NKAIN2: variants seen among roughly 807,000 people sequenced by gnomAD.
The protein encoded by NKAIN2 is sodium/potassium transporting ATPase interacting 2.
A neutral mutation model predicts 32.6 loss-of-function variants in NKAIN2; 14 were observed. That is an observed-to-expected ratio of 0.43 (90% confidence interval 0.28 to 0.67). The LOEUF is 0.67. Among genes scored for constraint, NKAIN2 ranks in the 30% least tolerant of loss-of-function variants. The pLI is 0.17. For synonymous variants in NKAIN2, 80 were observed against 87.2 expected (o/e 0.92, Z 0.46); for missense variants, 198 against 258.3 (o/e 0.77, Z 1.60).
intron 3 of NKAIN2, among the ~76,000 whole-genome samples, chr6:124,570,342 A>T (rs2114915785): frequency 6.6e-6 from 1 of 152,328 alleles, no homozygotes; most frequent in South Asian, 2.1e-4. Context: ...CATAATGTTA[A>T]TCCCCAAGAC....
intron 1 of NKAIN2, among the ~76,000 whole-genome samples, chr6:123,886,476 G>C (rs1773718847): frequency 6.6e-6 from 1 of 152,000 alleles, no homozygotes; most frequent in Non-Finnish European, 1.5e-5. Context: ...TGTTTACATA[G>C]GAAAAAACTT....
intron 1 of NKAIN2, among the ~76,000 whole-genome samples, chr6:124,113,450 AT>A (rs568194551): frequency 7.9e-5 from 12 of 151,802 alleles, no homozygotes; most frequent in African/African-American, 2.7e-4. Flanking sequence ...AAAAATTGGG[AT>A]TTTTTTTGTT....
At position 124,585,018 on chromosome 6, in the gene NKAIN2, T is replaced by A. The variant is rs572731201; in HGVS notation, c.274-73168T>A. ...AAGATATCTGCACTCCCATGTTTAT[T>A]ACAGCACTATTTGCAATAACCAATA... is the stretch of plus-strand genomic sequence containing the variant. On this transcript the variant is annotated intron_variant, in intron 3 of 6. Coordinates refer to ENST00000368417, the MANE Select transcript of NKAIN2 (RefSeq NM_001040214.3). Among the ~76,000 whole-genome samples, 4 of 152,334 alleles carry A rather than the reference T, an allele frequency of 2.6e-5. No homozygotes were observed. The East Asian group carries it at 7.7e-4, about 29-fold the overall frequency.
chr6:124,642,300 A>G (rs1184223143), intron 3 of NKAIN2, among the ~76,000 whole-genome samples: 2 of 152,212 alleles, frequency 1.3e-5, no homozygotes, highest in Non-Finnish European at 2.9e-5. Context: ...CTTGAACAAT[A>G]TAATTTGCTT....
chr6:124,185,759 T>C (rs1333353964), intron 1 of NKAIN2, among the ~76,000 whole-genome samples: 2 of 152,164 alleles, frequency 1.3e-5, no homozygotes, highest in African/African-American at 4.8e-5. Flanking sequence ...GTTAAACACA[T>C]CTGTTTGTTT....
At chr6:124,201,239 G>A (rs1284763845) in intron 1 of NKAIN2, among the ~76,000 whole-genome samples, 5 of 151,742 alleles carry the variant, frequency 3.3e-5, no homozygotes, top group Admixed American at 3.3e-4. Context: ...GGCATGTGGT[G>A]GGGGGGCGAT....
chr6:123,960,437 C>G (rs1489762548), intron 1 of NKAIN2, among the ~76,000 whole-genome samples: 1 of 152,170 alleles, frequency 6.6e-6, no homozygotes, highest in African/African-American at 2.4e-5. Context: ...CTTTGAAGCT[C>G]TGAGTTTCTA....
intron 2 of NKAIN2, among the ~76,000 whole-genome samples, chr6:124,330,547 AGGAG>A (rs1797610309): frequency 6.6e-6 from 1 of 152,238 alleles, no homozygotes; most frequent in African/African-American, 2.4e-5. Flanking sequence ...CTGCACCTGA[AGGAG>A]TGCATAACCA....
intron 1 of NKAIN2, among the ~76,000 whole-genome samples, chr6:123,941,788 T>A (rs1776839016): frequency 6.6e-6 from 1 of 151,960 alleles, no homozygotes; most frequent in East Asian, 1.9e-4. Context: ...TCCCCATGAT[T>A]GGCTTTTGTA....
At chr6:124,233,665 A>C (rs953121562) in intron 1 of NKAIN2, among the ~76,000 whole-genome samples, 6 of 152,150 alleles carry the variant, frequency 3.9e-5, no homozygotes, top group Non-Finnish European at 7.3e-5. Context: ...TGACATATAG[A>C]TGTATTTCTT....
intron 1 of NKAIN2, among the ~76,000 whole-genome samples, chr6:123,999,188 TGC>T (rs1370850861): frequency 2.0e-5 from 3 of 152,122 alleles, no homozygotes; most frequent in Non-Finnish European, 4.4e-5. Context: ...ATAAGGTGTA[TGC>T]TTTGGAGAAT....
intron 1 of NKAIN2, among the ~76,000 whole-genome samples, chr6:124,033,475 G>A (rs1165290130): frequency 6.6e-6 from 1 of 152,030 alleles, no homozygotes; most frequent in African/African-American, 2.4e-5. Flanking sequence ...AGAGCCCTTG[G>A]ACATCAATTA....
At chr6:123,854,995 C>G (rs1266363632) in intron 1 of NKAIN2, among the ~76,000 whole-genome samples, 1 of 152,126 alleles carries the variant, frequency 6.6e-6, no homozygotes, top group African/African-American at 2.4e-5. Flanking sequence ...GCATTCATAC[C>G]TCTACTCTGT....
intron 1 of NKAIN2, among the ~76,000 whole-genome samples, chr6:124,261,118 T>G (rs912195825): frequency 2.0e-5 from 3 of 152,184 alleles, no homozygotes; most frequent in Admixed American, 6.5e-5. Context: ...GCTACAGTGA[T>G]GTGGTTATTC....
chr6:124,508,390 G>C (rs967928151), intron 3 of NKAIN2, among the ~76,000 whole-genome samples: 1 of 151,532 alleles, frequency 6.6e-6, no homozygotes, highest in Non-Finnish European at 1.5e-5. Context: ...TGTCACCCAG[G>C]CTGGAGTGCA....
chr6:124,135,671 A>G (rs954903152), intron 1 of NKAIN2, among the ~76,000 whole-genome samples: 27 of 152,080 alleles, frequency 1.8e-4, no homozygotes, highest in African/African-American at 6.0e-4. Context: ...TTGAAATCAT[A>G]TCAAGTGTCA....
At chr6:124,207,477 C>T (rs910213447) in intron 1 of NKAIN2, among the ~76,000 whole-genome samples, 3 of 149,488 alleles carry the variant, frequency 2.0e-5, no homozygotes, top group Non-Finnish European at 3.0e-5. Context: ...TAGTTACATC[C>T]TTCTCTGTGT....
intron 2 of NKAIN2, among the ~76,000 whole-genome samples, chr6:124,346,973 C>T (rs1484332943): frequency 2.9e-4 from 44 of 152,232 alleles, no homozygotes; most frequent in East Asian, 1.5e-3. Context: ...CAGCTGGTAC[C>T]GGTTGTGCCT....
intron 5 of NKAIN2, among the ~76,000 whole-genome samples, chr6:124,795,960 C>CAG (rs1244656332): frequency 9.2e-5 from 14 of 151,918 alleles, no homozygotes; most frequent in African/African-American, 3.4e-4. Flanking sequence ...TGTTTTTTTC[C>CAG]ATTGAAAAAA....
Sources: allele counts gnomAD v4.1 joint callset (sites outside exome capture counted in the v4.1 genomes callset), GRCh38; gene constraint gnomAD v4.1.1; transcripts MANE v1.5; gene names NCBI Gene and HGNC (gene_info 2026-07-23, HGNC 2026-07-21).